EBF4: variants seen among roughly 807,000 people sequenced by gnomAD.
EBF4 encodes transcription factor COE4.
Under a neutral mutation model 67.1 loss-of-function variants are expected in EBF4, and 34 were observed. The observed-to-expected ratio is 0.51, with a 90% CI of 0.39 to 0.67. EBF4 has a LOEUF of 0.67. EBF4 is among the 30% of genes least tolerant of loss of function. The pLI, the probability that EBF4 is intolerant of heterozygous loss-of-function variation, is 0.00. For missense variants in EBF4, 837 were observed against 873.3 expected, an observed-to-expected ratio of 0.96 and a Z score of 0.52; for synonymous variants, 387 against 377.7, an observed-to-expected ratio of 1.02 and a Z score of -0.29.
At chr20:2,719,698 C>T (rs1010800966) in intron 6 of EBF4, among the ~76,000 whole-genome samples, 1 of 152,190 alleles carries the variant, frequency 6.6e-6, no homozygotes, top group African/African-American at 2.4e-5. Flanking sequence ...AGTCACCATG[C>T]CCAGCCCTTC....
At chr20:2,729,576 G>A (rs1411861464) in intron 6 of EBF4, among the ~76,000 whole-genome samples, 1 of 152,104 alleles carries the variant, frequency 6.6e-6, no homozygotes. Context: ...GAGATGGGGG[G>A]AGCTACAGCA....
At chr20:2,752,111 A>C in exon 13 of EBF4, 1 of 1,463,444 alleles carries the variant, frequency 6.8e-7, no homozygotes, top group Non-Finnish European at 9.0e-7. Context: ...CGCGCGGCGG[A>C]CGTGGCCGAG....
chr20:2,739,526 G>A lies in EBF4; in HGVS notation c.558-9023G>A, dbSNP rs1468175242. ...TTCCTGAGTTTCTCTTTCCTGTTGG[G>A]TTGTAATTTCCTTAAGATTTTATAC... On this transcript the variant is annotated intron_variant, in intron 6 of 16. Transcript: ENST00000609451. The surrounding 1 kb of genome is among the most constrained non-coding windows in gnomAD (Gnocchi z 4.5). Among the ~76,000 whole-genome samples, 1 of 152,152 alleles carries A rather than the reference G, an allele frequency of 6.6e-6. No individual in the cohort carries two copies. Among genetic ancestry groups the A allele is most frequent in the Non-Finnish European group, 1.5e-5 (1 of 68,030 alleles).
chr20:2,757,379 T>C lies in EBF4; in HGVS notation c.1739-1530T>C, dbSNP rs187039113. On this transcript the variant is annotated intron_variant, in intron 15 of 16. Coordinates refer to ENST00000609451, the Ensembl canonical transcript of EBF4. ...GCCCTGCACACAGAATGGGGTCCCT[T>C]CCCACCAGGGAACCCCCTCTGCACA... is the stretch of plus-strand genomic sequence containing the variant. 4.5e-3 allele frequency among the ~76,000 whole-genome samples: 626 copies of C among 138,400 alleles called. 2 individuals carry two copies. The highest frequency in any genetic ancestry group is 6.5e-3 in the Non-Finnish European group (426 of 65,042). The allele number at this position is 138,400 out of a possible 152,430, so 90.8% of individuals were successfully genotyped here. A position where few individuals can be genotyped will look rare whatever the true frequency, so the allele number is the denominator to read the frequency against.
chr20:2,714,988 CAA>C (rs1308132564), intron 6 of EBF4, among the ~76,000 whole-genome samples: 1 of 151,834 alleles, frequency 6.6e-6, no homozygotes, highest in Non-Finnish European at 1.5e-5. Flanking sequence ...AAAAGTAAAA[CAA>C]AATAAAAATT....
intron 6 of EBF4, among the ~76,000 whole-genome samples, chr20:2,735,047 C>T (rs2087859667): frequency 6.6e-6 from 1 of 150,708 alleles, no homozygotes; most frequent in Non-Finnish European, 1.5e-5. Context: ...ATATTATGGC[C>T]AAACTTTTAT....
At chr20:2,710,204 A>G (rs933119648) in intron 6 of EBF4, among the ~76,000 whole-genome samples, 66 of 152,312 alleles carry the variant, frequency 4.3e-4, no homozygotes, top group African/African-American at 1.5e-3. Context: ...GCTAAAGTGC[A>G]GTGGTGTGGT....
At chr20:2,733,730 A>G (rs185823797) in intron 6 of EBF4, among the ~76,000 whole-genome samples, 2 of 151,520 alleles carry the variant, frequency 1.3e-5, no homozygotes, top group Admixed American at 1.3e-4. Flanking sequence ...GGGGTGTCCA[A>G]TCTTTTGGCT....
intron 6 of EBF4, among the ~76,000 whole-genome samples, chr20:2,735,749 A>G (rs2146457705): frequency 6.6e-6 from 1 of 152,358 alleles, no homozygotes; most frequent in South Asian, 2.1e-4. Flanking sequence ...TTGGGAGAAG[A>G]GAGGCTTAAA....
intron 6 of EBF4, among the ~76,000 whole-genome samples, chr20:2,710,750 A>G (rs8121467): frequency 0.19 from 29,346 of 152,128 alleles, 3,915 homozygotes; most frequent in African/African-American, 0.37. Context: ...AGCTACCACT[A>G]TTAGCAGTTT....
intron 1 of EBF4, among the ~76,000 whole-genome samples, chr20:2,702,755 A>G (rs1489384558): frequency 6.6e-6 from 1 of 152,190 alleles, no homozygotes; most frequent in East Asian, 1.9e-4. Flanking sequence ...GAGCATGCTC[A>G]TGATGGGCAC....
At chr20:2,746,170 T>C (rs1212568342) in intron 6 of EBF4, among the ~76,000 whole-genome samples, 1 of 152,052 alleles carries the variant, frequency 6.6e-6, no homozygotes, top group African/African-American at 2.4e-5. Flanking sequence ...CCATGGGGTG[T>C]CATAAGGGGT....
exon 3 of EBF4, chr20:2,705,982 G>A (rs1320471973): frequency 6.4e-7 from 1 of 1,551,476 alleles, no homozygotes; most frequent in East Asian, 2.4e-5. Flanking sequence ...AGGAGCCCGG[G>A]GCGGAAAAGA....
chr20:2,730,516 C>T (rs1427061806), intron 6 of EBF4, among the ~76,000 whole-genome samples: 1 of 151,960 alleles, frequency 6.6e-6, no homozygotes, highest in South Asian at 2.1e-4. Context: ...GGGATGTAGA[C>T]ATAACTTTTG....
At chr20:2,706,175 C>A in intron 3 of EBF4, 34 bp from the exon 4 acceptor site, 1 of 1,551,844 alleles carries the variant, frequency 6.4e-7, no homozygotes, top group East Asian at 2.4e-5. Flanking sequence ...ACATGCTCCC[C>A]CAGCAGCAAG....
At position 2,756,557 on chromosome 20, in the gene EBF4, C is replaced by T. The variant is rs1467323372; in HGVS notation, c.1738+733C>T. 6.6e-6 allele frequency among the ~76,000 whole-genome samples: 1 copy of T among 152,186 alleles called. No individual in the cohort carries two copies. Among genetic ancestry groups the T allele is most frequent in the Non-Finnish European group, 1.5e-5 (1 of 68,032 alleles). On this transcript the variant is annotated intron_variant, in intron 15 of 16. Transcript: ENST00000609451. This position sits in a 1 kb window ranked among gnomAD's most constrained non-coding sequence, Gnocchi z 4.5. ...CAGGGCCAGTGTCTTCCCTAAGAGG[C>T]TTACAGGTGTTTTCTTTTCTGGCTA... is the stretch of plus-strand genomic sequence containing the variant.
chr20:2,752,050 G>C (rs1221838692), intron 12 of EBF4, 36 bp from the exon 13 acceptor site: 1 of 1,467,690 alleles, frequency 6.8e-7, no homozygotes, highest in Non-Finnish European at 9.0e-7. Context: ...CGGCGCCCGC[G>C]GCTGCCCCGG....
At chr20:2,711,686 A>G (rs2087546920) in intron 6 of EBF4, among the ~76,000 whole-genome samples, 1 of 152,202 alleles carries the variant, frequency 6.6e-6, no homozygotes, top group Non-Finnish European at 1.5e-5. Flanking sequence ...CATGCTGTGG[A>G]TTAAGCAATG....
At chr20:2,709,482 C>T in intron 5 of EBF4, 92 bp from the exon 6 acceptor site, 1 of 1,259,540 alleles carries the variant, frequency 7.9e-7, no homozygotes, top group East Asian at 2.7e-5. Context: ...CATCAGCACC[C>T]TCAGCTCAGG....
Sources: allele counts gnomAD v4.1 joint callset (sites outside exome capture counted in the v4.1 genomes callset), GRCh38; gene constraint gnomAD v4.1.1; non-coding constraint Gnocchi (gnomAD v3.1); transcripts MANE v1.5; gene names NCBI Gene and HGNC (gene_info 2026-07-23, HGNC 2026-07-21).